The following LINGO2 variants were observed in gnomAD, a reference collection of about 807,000 sequenced individuals.
The protein encoded by LINGO2 is leucine-rich repeat and immunoglobulin-like domain-containing nogo receptor-interacting protein 2.
LINGO2 carries 14 observed loss-of-function variants against 30.6 expected under a neutral mutation model. The observed-to-expected ratio is 0.46, with a 90% CI of 0.30 to 0.72. LINGO2 has a LOEUF of 0.72. LINGO2 is among the 30% of genes least tolerant of loss of function. The pLI, the probability that LINGO2 is intolerant of heterozygous loss-of-function variation, is 0.07. For synonymous variants in LINGO2, 317 were observed against 288.5 expected, an observed-to-expected ratio of 1.10 and a Z score of -1.00; for missense variants, 729 against 751.7, an observed-to-expected ratio of 0.97 and a Z score of 0.35.
chr9:28,626,595 C>A (rs1184676115), intron 1 of LINGO2, among the ~76,000 whole-genome samples: 1 of 151,968 alleles, frequency 6.6e-6, no homozygotes, highest in Non-Finnish European at 1.5e-5. Context: ...TGTTCAAAAA[C>A]TTTCCTTCTT....
At chr9:28,287,123 C>G (rs1823540411) in intron 4 of LINGO2, among the ~76,000 whole-genome samples, 1 of 152,202 alleles carries the variant, frequency 6.6e-6, no homozygotes, top group African/African-American at 2.4e-5. Flanking sequence ...AAAAATATCA[C>G]ACTTCCCCAA....
chr9:28,475,443 ACTTT>A (rs1467304846), intron 2 of LINGO2, among the ~76,000 whole-genome samples: 13 of 152,134 alleles, frequency 8.5e-5, no homozygotes, highest in African/African-American at 2.9e-4. Context: ...TTAATAGCAA[ACTTT>A]CTTTATCTAT....
chr9:28,828,225 G>C, the LINGO2 span, among the ~76,000 whole-genome samples: 3 of 151,902 alleles, frequency 2.0e-5, no homozygotes, highest in African/African-American at 7.2e-5. Context: ...AGACCAGGTT[G>C]TCTTATCCTT....
chr9:29,187,869 C>A, the LINGO2 span, among the ~76,000 whole-genome samples: 1 of 144,942 alleles, frequency 6.9e-6, no homozygotes, highest in South Asian at 2.2e-4. Context: ...TGTATCATGA[C>A]ACCATCACTT....
chr9:28,576,354 CCA>C, intron 1 of LINGO2, among the ~76,000 whole-genome samples: 1 of 152,216 alleles, frequency 6.6e-6, no homozygotes, highest in Non-Finnish European at 1.5e-5. Flanking sequence ...CACTTTTGCA[CCA>C]TGGTAAACTA....
At chr9:28,138,491 C>T (rs1432434193) in intron 4 of LINGO2, among the ~76,000 whole-genome samples, 5 of 152,060 alleles carry the variant, frequency 3.3e-5, no homozygotes, top group Non-Finnish European at 7.4e-5. Flanking sequence ...TTTTGTGAGG[C>T]CACTTTTCAT....
the LINGO2 span, among the ~76,000 whole-genome samples, chr9:28,914,737 C>G: frequency 6.6e-6 from 1 of 152,128 alleles, no homozygotes; most frequent in African/African-American, 2.4e-5. Flanking sequence ...CTTCCAGTGT[C>G]CTGGAACAAT....
intron 4 of LINGO2, among the ~76,000 whole-genome samples, chr9:28,273,195 G>A (rs958080721): frequency 1.3e-5 from 2 of 152,034 alleles, no homozygotes; most frequent in South Asian, 2.1e-4. Context: ...CTGACCACAC[G>A]GCCCCTTGTT....
chr9:28,527,713 C>G lies in LINGO2; in HGVS notation c.-364-51688G>C, dbSNP rs113784612. Among the ~76,000 whole-genome samples, 510 of 152,234 alleles carry G rather than the reference C, an allele frequency of 3.4e-3. 3 individuals carry two copies. Among genetic ancestry groups the G allele is most frequent in the African/African-American group, 0.011 (464 of 41,550 alleles). ...ACTGTGTGCTTACCTCAGAGCACCA[C>G]AACCTGGAAAGGTATTTATCTGCTT... is the stretch of plus-strand genomic sequence containing the variant. On this transcript the variant is annotated intron_variant, in intron 1 of 5. Coordinates refer to ENST00000379992, the Ensembl canonical transcript of LINGO2.
chr9:28,151,435 T>C (rs1476199616), intron 4 of LINGO2, among the ~76,000 whole-genome samples: 1 of 151,874 alleles, frequency 6.6e-6, no homozygotes, highest in Non-Finnish European at 1.5e-5. Flanking sequence ...TATATACACA[T>C]ATCAAAAGAT....
intron 4 of LINGO2, among the ~76,000 whole-genome samples, chr9:28,066,236 T>C (rs555681545): frequency 5.9e-5 from 9 of 152,176 alleles, no homozygotes; most frequent in African/African-American, 1.9e-4. Flanking sequence ...TCACATCACC[T>C]GGCACAAACA....
the LINGO2 span, among the ~76,000 whole-genome samples, chr9:29,095,581 G>T: frequency 2.5e-4 from 35 of 138,756 alleles, 11 homozygotes; most frequent in East Asian, 4.2e-3. Context: ...ATAGGGGCAG[G>T]CAATAAGCAT....
At chr9:29,206,486 T>C in the LINGO2 span, among the ~76,000 whole-genome samples, 6 of 152,176 alleles carry the variant, frequency 3.9e-5, no homozygotes, top group African/African-American at 1.4e-4. Context: ...TATTTTGCAT[T>C]GCTTTAATTA....
At chr9:28,479,606 A>G (rs1290696626) in intron 1 of LINGO2, among the ~76,000 whole-genome samples, 2 of 151,806 alleles carry the variant, frequency 1.3e-5, no homozygotes, top group Non-Finnish European at 2.9e-5. Context: ...ATAATGGCAG[A>G]CCCATGTAAT....
chr9:29,210,860 A>C, the LINGO2 span, among the ~76,000 whole-genome samples: 2 of 152,216 alleles, frequency 1.3e-5, no homozygotes, highest in Non-Finnish European at 2.9e-5. Flanking sequence ...AACAGGAAGT[A>C]CATTTTTTTT....
At chr9:28,506,036 C>T (rs1382694820) in intron 1 of LINGO2, among the ~76,000 whole-genome samples, 4 of 151,690 alleles carry the variant, frequency 2.6e-5, no homozygotes, top group African/African-American at 4.8e-5. Flanking sequence ...TGGAAAAATT[C>T]CTCCCTTCAT....
At chr9:28,663,169 T>A (rs1159877824) in intron 1 of LINGO2, among the ~76,000 whole-genome samples, 1 of 152,120 alleles carries the variant, frequency 6.6e-6, no homozygotes, top group Non-Finnish European at 1.5e-5. Context: ...AGTTGTATTT[T>A]TTTTTGTTGT....
chr9:29,026,314 T>C, the LINGO2 span, among the ~76,000 whole-genome samples: 3 of 152,140 alleles, frequency 2.0e-5, no homozygotes, highest in Non-Finnish European at 4.4e-5. Flanking sequence ...CATGACATTG[T>C]AATTTGACCA....
At chr9:28,390,026 G>C (rs1041292898) in intron 2 of LINGO2, among the ~76,000 whole-genome samples, 1 of 152,070 alleles carries the variant, frequency 6.6e-6, no homozygotes, top group African/African-American at 2.4e-5. Context: ...ACCAATAATA[G>C]TTACTTATTT....
Sources: gnomAD v4.1 joint callset for allele counts (sites outside exome capture counted in the v4.1 genomes callset) on GRCh38, gnomAD v4.1.1 for gene constraint, MANE v1.5 for transcripts, NCBI Gene and HGNC (gene_info 2026-07-23, HGNC 2026-07-21) for gene names.